The following FAM120B variants were observed in gnomAD, a reference collection of about 807,000 sequenced individuals.
FAM120B encodes family with sequence similarity 120 member B.
In FAM120B, 83 loss-of-function variants were observed where a neutral mutation model predicts 96.3. That is an observed-to-expected ratio of 0.86 (90% CI 0.72 to 1.03). The LOEUF (loss-of-function observed/expected upper bound fraction) is 1.03. Ranked by LOEUF, FAM120B falls within the 50% of genes least tolerant of loss-of-function variation. The pLI is 0.00. For missense variants in FAM120B, 1,027 were observed against 1,121.2 expected, an observed-to-expected ratio of 0.92 and a Z score of 1.20; for synonymous variants, 407 against 402.7, an observed-to-expected ratio of 1.01 and a Z score of -0.13.
At chr6:170,340,391 T>C (rs561532062) in intron 4 of FAM120B, among the ~76,000 whole-genome samples, 136 of 149,636 alleles carry the variant, frequency 9.1e-4, no homozygotes, top group Non-Finnish European at 1.8e-3. Flanking sequence ...GCAGTTCCTG[T>C]AAGTGTTTAT....
intron 8 of FAM120B, among the ~76,000 whole-genome samples, chr6:170,391,395 C>T (rs1049519866): frequency 3.3e-5 from 5 of 152,012 alleles, no homozygotes; most frequent in African/African-American, 7.3e-5. Flanking sequence ...ATGAACCGGG[C>T]GTGTTGGCGG....
chr6:170,362,693 T>G (rs1788536556), intron 6 of FAM120B, among the ~76,000 whole-genome samples: 1 of 151,512 alleles, frequency 6.6e-6, no homozygotes, highest in Non-Finnish European at 1.5e-5. Context: ...TCTTTTTTTT[T>G]TTTTTTGAGA....
chr6:170,388,287 C>G lies in FAM120B; in HGVS notation c.2284C>G (p.Pro762Ala). Residue 762 changes from proline to alanine, a missense_variant and splice_region_variant, in exon 7 of 11, where the codon CCT (proline) becomes GCT (alanine). By Grantham distance (27) the Pro-to-Ala change is conservative (BLOSUM62 -1). Transcript: ENST00000476287. The part of the protein sequence containing the change: ...KSTSQLVNLQ[P>A]DYINPRAVQL... ...TTGGTGTGTGTTCTGGTCTCCACAG[C>G]CTGATTACATCAACCCCAGAGCCGT... The G allele has an allele frequency of 6.2e-7, 1 of 1,613,328 alleles. No individual in the cohort carries two copies. Among genetic ancestry groups the G allele is most frequent in the Non-Finnish European group, 8.5e-7 (1 of 1,179,954 alleles).
At chr6:170,378,853 T>A (rs1206982092) in intron 6 of FAM120B, among the ~76,000 whole-genome samples, 1 of 152,256 alleles carries the variant, frequency 6.6e-6, no homozygotes, top group Admixed American at 6.5e-5. Flanking sequence ...AGGGGCTATT[T>A]GAGCTAAGAC....
chr6:170,375,860 C>T (rs6929453), intron 6 of FAM120B, among the ~76,000 whole-genome samples: 2,518 of 152,030 alleles, frequency 0.017, 68 homozygotes, highest in African/African-American at 0.054. Flanking sequence ...TGGACTAGAT[C>T]GATAAAGGGT....
chr6:170,348,366 A>G (rs1313586905), intron 5 of FAM120B, 43 bp downstream of exon 5: 8 of 1,575,776 alleles, frequency 5.1e-6, no homozygotes, highest in Non-Finnish European at 6.9e-6. Context: ...GCCTGCGCTT[A>G]CTTTATGAGA....
chr6:170,398,022 G>A (rs1778279627), intron 9 of FAM120B, among the ~76,000 whole-genome samples: 4 of 152,358 alleles, frequency 2.6e-5, no homozygotes, highest in Middle Eastern at 3.4e-3. Context: ...GCCTCAGGAA[G>A]GTGGAGAGGG....
chr6:170,292,095 C>T (rs1357028192), upstream of FAM120B, among the ~76,000 whole-genome samples: 1 of 152,152 alleles, frequency 6.6e-6, no homozygotes, highest in African/African-American at 2.4e-5. The surrounding 1 kb of genome is among the most constrained non-coding windows in gnomAD (Gnocchi z 6.6). Flanking sequence ...GAAAGAGCTC[C>T]CCTCCGCGCG....
intron 4 of FAM120B, among the ~76,000 whole-genome samples, chr6:170,341,677 G>T (rs1786841979): frequency 6.6e-6 from 1 of 152,220 alleles, no homozygotes; most frequent in African/African-American, 2.4e-5. Context: ...TGTGGGAAAA[G>T]CATAGTATCT....
At chr6:170,392,946 A>G (rs1790550338) in intron 8 of FAM120B, among the ~76,000 whole-genome samples, 1 of 152,124 alleles carries the variant, frequency 6.6e-6, no homozygotes, top group South Asian at 2.1e-4. Context: ...CCCAAAACAA[A>G]GTTGATTTAT....
intron 1 of FAM120B, among the ~76,000 whole-genome samples, chr6:170,300,183 G>T (rs113524539): frequency 8.5e-5 from 13 of 152,306 alleles, no homozygotes; most frequent in African/African-American, 2.9e-4. Flanking sequence ...AGGTCAGCAT[G>T]GCTGGGGAGG....
chr6:170,317,441 A>G lies in FAM120B; in HGVS notation c.51A>G (p.Ile17Met). 6 of 1,614,218 alleles carry G rather than the reference A, an allele frequency of 3.7e-6. No individual in the cohort carries two copies. Among genetic ancestry groups the G allele is most frequent in the Non-Finnish European group, 5.1e-6 (6 of 1,180,028 alleles). ...TTGTGGGAAGTACCTGCCCACATAT[A>G]TGTACAGTAGTAAATTTCAAAGAAC... ...QGFVGSTCPH[I>M]CTVVNFKELA... The change falls in exon 2 of 11, where the codon ATA becomes ATG. Residue 17 changes from isoleucine (I) to methionine (M), a missense_variant. Physicochemically the swap from Ile to Met is conservative, Grantham distance 10. This residue lies in a region of FAM120B where 880 missense variants were observed against 980.9 expected (regional missense o/e 0.90). Coordinates refer to ENST00000476287, the MANE Select transcript of FAM120B (RefSeq NM_032448.3).
chr6:170,342,974 C>G (rs1786937146), intron 4 of FAM120B, among the ~76,000 whole-genome samples: 1 of 152,188 alleles, frequency 6.6e-6, no homozygotes, highest in South Asian at 2.1e-4. Flanking sequence ...TTGAGTTGCC[C>G]TCCCCTGAGT....
chr6:170,291,897 T>C (rs1783887093), upstream of FAM120B, among the ~76,000 whole-genome samples: 1 of 152,028 alleles, frequency 6.6e-6, no homozygotes, highest in Admixed American at 6.5e-5. Context: ...CTTCCCCGGG[T>C]CTCGGCCCCT....
chr6:170,306,208 C>G (rs1370373170), upstream of FAM120B, among the ~76,000 whole-genome samples: 1 of 152,196 alleles, frequency 6.6e-6, no homozygotes, highest in Non-Finnish European at 1.5e-5. Context: ...CGCGCCGTCC[C>G]GATACGGAGG....
intron 5 of FAM120B, among the ~76,000 whole-genome samples, chr6:170,353,098 C>G (rs1787682775): frequency 6.6e-6 from 1 of 152,200 alleles, no homozygotes; most frequent in African/African-American, 2.4e-5. Flanking sequence ...GTAAACACCT[C>G]TGTGCACATA....
upstream of FAM120B, among the ~76,000 whole-genome samples, chr6:170,302,768 G>A (rs1784168890): frequency 6.6e-6 from 1 of 152,104 alleles, no homozygotes; most frequent in Admixed American, 6.5e-5. Flanking sequence ...TGATAAACTG[G>A]CTGTGCACAG....
intron 4 of FAM120B, among the ~76,000 whole-genome samples, chr6:170,338,843 G>GTTT (rs1306621943): frequency 1.9e-5 from 2 of 106,598 alleles, no homozygotes; most frequent in East Asian, 6.3e-4. Flanking sequence ...ATTGCAACCT[G>GTTT]CTTTTTTTTT....
chr6:170,311,729 A>G (rs938269349), intron 1 of FAM120B, among the ~76,000 whole-genome samples: 4 of 152,092 alleles, frequency 2.6e-5, no homozygotes, highest in African/African-American at 7.2e-5. Context: ...CTCAGTGACT[A>G]CTCCAATGTC....
Sources: gnomAD v4.1 joint callset for allele counts (sites outside exome capture counted in the v4.1 genomes callset) on GRCh38, gnomAD v4.1.1 for gene constraint, gnomAD v4.1.1 regional missense constraint, Gnocchi (gnomAD v3.1) non-coding constraint, MANE v1.5 for transcripts, NCBI Gene and HGNC (gene_info 2026-07-23, HGNC 2026-07-21) for gene names.